Variants in MYO18B observed in about 807,000 individuals in gnomAD.
The protein encoded by MYO18B is myosin XVIIIB.
MYO18B carries 204 observed loss-of-function variants against 273.0 expected under a neutral mutation model. The observed-to-expected ratio is 0.75, with a 90% CI of 0.67 to 0.84. The LOEUF (loss-of-function observed/expected upper bound fraction) is 0.84, where lower values mean the gene tolerates loss of function less well. Ranked by LOEUF, MYO18B falls within the 40% of genes least tolerant of loss-of-function variation. The probability of loss-of-function intolerance (pLI) is 0.00; values close to 1 mark genes in which losing one functional copy is unlikely to be tolerated. For missense variants in MYO18B, 3,212 were observed against 3,287.6 expected (o/e 0.98, Z 0.56); for synonymous variants, 1,330 against 1,305.7 (o/e 1.02, Z -0.40).
chr22:25,933,207 T>C (rs2092531621), intron 34 of MYO18B, among the ~76,000 whole-genome samples: 1 of 152,170 alleles, frequency 6.6e-6, no homozygotes, highest in Admixed American at 6.5e-5. Flanking sequence ...TTTTTATTTA[T>C]GCAGGTCTGA....
At position 25,874,229 on chromosome 22, in the gene MYO18B, C is replaced by G. The variant is rs542648104; in HGVS notation, c.3952-57C>G. On this transcript the variant is annotated intron_variant, in intron 22 of 43. Coordinates refer to ENST00000335473, the MANE Select transcript of MYO18B (RefSeq NM_032608.7). Reference sequence around the variant, plus strand: ...TGGGGTCTGATTTGCAAGCACCCCCCCATTGTAGACAGCCTTCTTCAGCAG... The same window carrying G: ...TGGGGTCTGATTTGCAAGCACCCCCGCATTGTAGACAGCCTTCTTCAGCAG... 1.1e-4 allele frequency: 179 copies of G among 1,605,542 alleles called. No homozygotes were observed. In the East Asian group the frequency reaches 3.2e-3, roughly 29 times the overall value.
chr22:25,772,208 T>A, intron 6 of MYO18B, 126 bp from the exon 7 acceptor site: 1 of 824,190 alleles, frequency 1.2e-6, no homozygotes, highest in South Asian at 1.8e-5. Context: ...TGTGCTCTGT[T>A]CTGGTCTTTG....
intron 1 of MYO18B, among the ~76,000 whole-genome samples, chr22:25,747,603 G>A (rs2085819622): frequency 6.6e-6 from 1 of 151,062 alleles, no homozygotes; most frequent in Admixed American, 6.6e-5. Flanking sequence ...CCAATGGGCT[G>A]GAGGAGCTGA....
intron 17 of MYO18B, among the ~76,000 whole-genome samples, chr22:25,836,456 G>A (rs1199514808): frequency 1.3e-5 from 2 of 152,182 alleles, no homozygotes; most frequent in African/African-American, 4.8e-5. Flanking sequence ...AGTGTTGCAT[G>A]TACTGCACTC....
At chr22:26,013,404 T>C (rs1336187402) in intron 42 of MYO18B, among the ~76,000 whole-genome samples, 1 of 152,206 alleles carries the variant, frequency 6.6e-6, no homozygotes, top group Non-Finnish European at 1.5e-5. Flanking sequence ...TAATATGCCA[T>C]TGTGTGAACA....
At position 25,997,438 on chromosome 22, in the gene MYO18B, C is replaced by T. The variant is rs140271396; in HGVS notation, c.6287+4945C>T. On this transcript the variant is annotated intron_variant, in intron 40 of 43. Transcript: ENST00000335473. ...AATGCAGGCCCTTCTGGGCATGGGTCGCAAGCCCCTGAAGCCAGCCCTGAC... is the reference window on the plus strand; with the variant it reads ...AATGCAGGCCCTTCTGGGCATGGGTTGCAAGCCCCTGAAGCCAGCCCTGAC... Among the ~76,000 whole-genome samples the T allele has an allele frequency of 4.1e-3, 625 of 151,866 alleles. 7 individuals carry two copies. The highest frequency in any genetic ancestry group is 0.014 in the African/African-American group (590 of 41,398).
Position 25,792,498 on chromosome 22 carries a change from T to TTTTTTC in MYO18B, c.2377-5450_2377-5449insCTTTTT, listed in dbSNP as rs1555893174. Among the ~76,000 whole-genome samples, 35 of 17,624 alleles carry TTTTTTC rather than the reference T, an allele frequency of 2.0e-3. 3 individuals carry two copies. The highest frequency in any genetic ancestry group is 8.3e-3 in the Admixed American group (9 of 1,078). The allele number at this position is 17,624 out of a possible 152,430, so 11.6% of individuals were successfully genotyped here. On this transcript the variant is annotated intron_variant, in intron 11 of 43. Transcript: ENST00000335473. ...TGATGTTTCTTTTTTTTTTCTTTTC[T>TTTTTTC]TTTTTTTTTTTTTTTGAGACAGAGT...
rs190370272 is a variant in MYO18B at position 25,917,018 on chromosome 22, C to T, written c.5365-4239C>T. Among the ~76,000 whole-genome samples the T allele has an allele frequency of 5.0e-3, 755 of 152,132 alleles. 1 individual carries two copies. Among genetic ancestry groups the T allele is most frequent in the Non-Finnish European group, 9.2e-3 (623 of 68,020 alleles). ...CTGCACTCCAGCCTGGGTGACAGAGCGAGACCTTGTCTCAAAAACAAAAAA... is the reference window on the plus strand; with the variant it reads ...CTGCACTCCAGCCTGGGTGACAGAGTGAGACCTTGTCTCAAAAACAAAAAA... On this transcript the variant is annotated intron_variant, in intron 33 of 43. Transcript: ENST00000335473.
the MYO18B span, among the ~76,000 whole-genome samples, chr22:26,042,101 C>T: frequency 1.3e-5 from 2 of 152,144 alleles, no homozygotes; most frequent in Non-Finnish European, 1.5e-5. Flanking sequence ...AGTGATAGGC[C>T]CCCAGGCACC....
intron 1 of MYO18B, among the ~76,000 whole-genome samples, chr22:25,744,714 CAG>C (rs765555610): frequency 5.9e-5 from 9 of 151,984 alleles, no homozygotes; most frequent in Non-Finnish European, 1.3e-4. Flanking sequence ...AGCCTGGGGA[CAG>C]AGAGAGACTC....
At chr22:25,852,844 T>C (rs1001932303) in intron 21 of MYO18B, among the ~76,000 whole-genome samples, 1 of 152,224 alleles carries the variant, frequency 6.6e-6, no homozygotes, top group African/African-American at 2.4e-5. Flanking sequence ...GTAAACTGGT[T>C]ATGTCATCTT....
At chr22:25,874,957 T>G (rs1464852385) in intron 23 of MYO18B, among the ~76,000 whole-genome samples, 1 of 152,232 alleles carries the variant, frequency 6.6e-6, no homozygotes, top group East Asian at 1.9e-4. Context: ...ATACAGTACA[T>G]GGCACATAGT....
chr22:25,775,911 T>G (rs985510062), intron 7 of MYO18B, among the ~76,000 whole-genome samples: 9 of 152,266 alleles, frequency 5.9e-5, no homozygotes, highest in Admixed American at 3.3e-4. Flanking sequence ...AGGCTTACAT[T>G]ATAGTCCAAT....
chr22:25,999,266 C>T (rs1933663099), intron 40 of MYO18B, among the ~76,000 whole-genome samples: 1 of 152,176 alleles, frequency 6.6e-6, no homozygotes, highest in Non-Finnish European at 1.5e-5. Flanking sequence ...CTACTTCCTC[C>T]TTTCCCTTGT....
chr22:26,042,583 GTT>G, the MYO18B span, among the ~76,000 whole-genome samples: 1 of 152,220 alleles, frequency 6.6e-6, no homozygotes. Flanking sequence ...AGCTATGAGT[GTT>G]ACAGGAGCCC....
intron 12 of MYO18B, among the ~76,000 whole-genome samples, chr22:25,818,755 G>C (rs5761254): frequency 2.0e-5 from 3 of 152,156 alleles, no homozygotes; most frequent in African/African-American, 7.2e-5. Context: ...GGTTTTGCAG[G>C]TGGAGAAGGG....
chr22:25,888,607 G>A lies in MYO18B; in HGVS notation c.4315-2149G>A, dbSNP rs145306807. Among the ~76,000 whole-genome samples the A allele has an allele frequency of 2.6e-5, 4 of 151,342 alleles. No homozygotes were observed. In the East Asian group the frequency reaches 7.7e-4, roughly 29 times the overall value. ...ACCATCTGAGGTCATTGCCACATAA[G>A]TACTTCCCTGGTGCACGGTGTAAGG... On this transcript the variant is annotated intron_variant, in intron 25 of 43. Transcript: ENST00000335473.
At chr22:26,026,356 A>T in intron 42 of MYO18B, 89 bp from the exon 43 acceptor site, 1 of 1,401,068 alleles carries the variant, frequency 7.1e-7, no homozygotes, top group Non-Finnish European at 9.7e-7. Context: ...AAATAATATT[A>T]GTGCCTGTGC....
At chr22:25,954,544 C>T in intron 38 of MYO18B, among the ~76,000 whole-genome samples, 1 of 152,056 alleles carries the variant, frequency 6.6e-6, no homozygotes, top group East Asian at 1.9e-4. Flanking sequence ...GACAGCGTCC[C>T]TGGGACACAG....
Sources: gnomAD v4.1 joint callset for allele counts (sites outside exome capture counted in the v4.1 genomes callset) on GRCh38, gnomAD v4.1.1 for gene constraint, MANE v1.5 for transcripts, NCBI Gene and HGNC (gene_info 2026-07-23, HGNC 2026-07-21) for gene names.